Variants in ABI1 observed in about 807,000 individuals in gnomAD.
The protein encoded by ABI1 is abl interactor 1.
Under a neutral mutation model 54.6 loss-of-function variants are expected in ABI1, and 14 were observed. The ratio of observed to expected loss-of-function variants is 0.26; its 90% confidence interval spans 0.17 to 0.40. The LOEUF (loss-of-function observed/expected upper bound fraction) is 0.40. Ranked by LOEUF, ABI1 falls within the 10% of genes least tolerant of loss-of-function variation. ABI1 has a pLI of 1.00. For missense variants in ABI1, 443 were observed against 598.3 expected (o/e 0.74, Z 2.71); for synonymous variants, 194 against 209.3 (o/e 0.93, Z 0.63).
At position 26,747,308 on chromosome 10, in the gene ABI1, T is replaced by A. The variant is rs560609517; in HGVS notation, c.*1262A>T. 351 of 226,112 alleles carry A rather than the reference T, an allele frequency of 1.6e-3. 1 individual carries two copies. The highest frequency in any genetic ancestry group is 7.4e-3 in the African/African-American group (333 of 45,088). 14.0% of individuals were successfully genotyped at this position (226,112 alleles called of 1,614,324 possible). On this transcript the variant is annotated 3_prime_UTR_variant, in exon 11 of 11. Coordinates refer to ENST00000376140, the MANE Select transcript of ABI1 (RefSeq NM_001012750.3). The stretch of plus-strand genomic sequence containing the variant: ...AACATCCCTCAGCCCTCCCTTCAAT[T>A]AAGAGGAGACACACAAAGTGCATGT...
intron 2 of ABI1, among the ~76,000 whole-genome samples, chr10:26,789,830 T>C: frequency 6.6e-6 from 1 of 152,222 alleles, no homozygotes; most frequent in East Asian, 1.9e-4. Context: ...CCTCTATGTG[T>C]CCATATGTTC....
In ABI1 at chr10:26,747,669, A is replaced by G. The variant is rs1837090390; in HGVS notation, c.*901T>C. On this transcript the variant is annotated 3_prime_UTR_variant, in exon 11 of 11. Transcript: ENST00000376140. Reference sequence around the variant, plus strand: ...TTTCTTAGTTTCAAAAGATTATTTAAAAAAGGAATTCAGTAGATTGACTTG... The same window carrying G: ...TTTCTTAGTTTCAAAAGATTATTTAGAAAAGGAATTCAGTAGATTGACTTG... The G allele has an allele frequency of 5.1e-6, 1 of 197,598 alleles. No individual in the cohort carries two copies. The highest frequency in any genetic ancestry group is 1.9e-4 in the South Asian group (1 of 5,216). The allele number at this position is 197,598 out of a possible 1,614,324, so 12.2% of individuals were successfully genotyped here.
intron 2 of ABI1, among the ~76,000 whole-genome samples, chr10:26,786,958 C>T (rs1193165297): frequency 1.3e-5 from 2 of 152,182 alleles, no homozygotes; most frequent in East Asian, 1.9e-4. Flanking sequence ...CACACAGGCT[C>T]CTCAATCCTA....
At chr10:26,778,096 G>A (rs1337164028) in intron 2 of ABI1, among the ~76,000 whole-genome samples, 1 of 151,964 alleles carries the variant, frequency 6.6e-6, no homozygotes, top group Non-Finnish European at 1.5e-5. Flanking sequence ...AAGGCAGAGA[G>A]AATAACATCC....
chr10:26,802,575 A>G (rs535387326), intron 2 of ABI1, among the ~76,000 whole-genome samples: 1 of 152,360 alleles, frequency 6.6e-6, no homozygotes, highest in South Asian at 2.1e-4. Context: ...TTCACAGAGC[A>G]TTTACATACA....
chr10:26,748,749 T>A lies in ABI1; in HGVS notation c.1271-4A>T. ...GTATAATCATATATTGCAACAACTA[T>A]GGAAAAAACAGTTGAAATATCACAT... is the stretch of plus-strand genomic sequence containing the variant. On this transcript the variant is annotated splice_region_variant and splice_polypyrimidine_tract_variant and intron_variant, in intron 10 of 10. Coordinates refer to ENST00000376140, the MANE Select transcript of ABI1 (RefSeq NM_001012750.3). The A allele has an allele frequency of 6.2e-7, 1 of 1,604,562 alleles. No individual in the cohort carries two copies. The highest frequency in any genetic ancestry group is 1.1e-5 in the South Asian group (1 of 90,222).
Position 26,747,974 on chromosome 10 carries a change from C to A in ABI1, c.*596G>T. ...AAATTACAACATTACAGATAATTCT[C>A]TTTTTGCTTGTTTCACATGGAGACC... On this transcript the variant is annotated 3_prime_UTR_variant, in exon 11 of 11. Coordinates refer to ENST00000376140, the MANE Select transcript of ABI1 (RefSeq NM_001012750.3). 7.2e-6 allele frequency: 1 copy of A among 138,802 alleles called. No individual in the cohort carries two copies. Among genetic ancestry groups the A allele is most frequent in the Non-Finnish European group, 1.2e-5 (1 of 81,846 alleles). 8.6% of individuals were successfully genotyped at this position (138,802 alleles called of 1,614,324 possible).
intron 2 of ABI1, among the ~76,000 whole-genome samples, chr10:26,797,941 A>G (rs968171470): frequency 6.6e-6 from 1 of 152,232 alleles, no homozygotes; most frequent in Non-Finnish European, 1.5e-5. Context: ...AATGCCAACT[A>G]GAGCAATATG....
intron 6 of ABI1, among the ~76,000 whole-genome samples, chr10:26,767,078 G>T (rs1039392389): frequency 6.6e-6 from 1 of 152,064 alleles, no homozygotes; most frequent in Non-Finnish European, 1.5e-5. Context: ...CTTGAAAAAA[G>T]AACTATGCCC....
chr10:26,858,008 A>C (rs2050979528), intron 1 of ABI1, among the ~76,000 whole-genome samples: 1 of 152,212 alleles, frequency 6.6e-6, no homozygotes, highest in African/African-American at 2.4e-5. Context: ...CAGCCAAAAG[A>C]GTTTCTCAGC....
Position 26,764,054 on chromosome 10 carries a change from A to G in ABI1, c.820+1164T>C. On this transcript the variant is annotated intron_variant, in intron 7 of 10. Coordinates refer to ENST00000376140, the MANE Select transcript of ABI1 (RefSeq NM_001012750.3). ...AAAGTACAATGTATCGGGAAGAAAAAGAAAAAAGATACCCCCATGTAAAGC... is the reference window on the plus strand; with the variant it reads ...AAAGTACAATGTATCGGGAAGAAAAGGAAAAAAGATACCCCCATGTAAAGC... 3 of 922,042 alleles carry G rather than the reference A, an allele frequency of 3.3e-6. No homozygotes were observed. The South Asian group carries it at 5.3e-5, about 16-fold the overall frequency. 57.1% of individuals were successfully genotyped at this position (922,042 alleles called of 1,614,324 possible).
intron 2 of ABI1, among the ~76,000 whole-genome samples, chr10:26,796,235 C>T (rs1844149598): frequency 6.6e-6 from 1 of 152,152 alleles, no homozygotes; most frequent in Non-Finnish European, 1.5e-5. Flanking sequence ...GATCCATGTA[C>T]AACACGAGGA....
At chr10:26,851,483 A>G (rs2050390688) in intron 1 of ABI1, among the ~76,000 whole-genome samples, 1 of 150,106 alleles carries the variant, frequency 6.7e-6, no homozygotes, top group African/African-American at 2.5e-5. Context: ...GAGCCACTGC[A>G]GCTAGCTGAC....
chr10:26,796,721 T>C (rs1462226020), intron 2 of ABI1, among the ~76,000 whole-genome samples: 1 of 152,256 alleles, frequency 6.6e-6, no homozygotes, highest in African/African-American at 2.4e-5. Context: ...TTCACTATAG[T>C]AACTAATTTA....
chr10:26,777,581 AG>A (rs1841572593), intron 2 of ABI1, among the ~76,000 whole-genome samples: 1 of 152,158 alleles, frequency 6.6e-6, no homozygotes, highest in Non-Finnish European at 1.5e-5. Context: ...GTTCAAGATC[AG>A]CCTGGGCAAC....
At chr10:26,839,146 C>T (rs956811181) in intron 1 of ABI1, among the ~76,000 whole-genome samples, 3 of 152,166 alleles carry the variant, frequency 2.0e-5, no homozygotes, top group Non-Finnish European at 2.9e-5. Context: ...ACATTTAACA[C>T]GTTTCTAGGT....
chr10:26,843,869 C>A (rs549172531), intron 1 of ABI1, among the ~76,000 whole-genome samples: 1 of 152,080 alleles, frequency 6.6e-6, no homozygotes, highest in African/African-American at 2.4e-5. Context: ...TTAGCTCATA[C>A]AAAAGTGATT....
intron 1 of ABI1, among the ~76,000 whole-genome samples, chr10:26,839,949 G>A (rs10829094): frequency 2.0e-5 from 3 of 151,156 alleles, no homozygotes; most frequent in Non-Finnish European, 3.0e-5. Flanking sequence ...ATGATCACAC[G>A]ACTGCACTCC....
In ABI1 at chr10:26,807,839, C is replaced by T. The variant is rs531213353; in HGVS notation, c.285+15299G>A. Among the ~76,000 whole-genome samples, 6 of 152,318 alleles carry T rather than the reference C, an allele frequency of 3.9e-5. No homozygotes were observed. The South Asian group carries it at 6.2e-4, about 16-fold the overall frequency. On this transcript the variant is annotated intron_variant, in intron 2 of 10. Coordinates refer to ENST00000376140, the MANE Select transcript of ABI1 (RefSeq NM_001012750.3). ...GGGCATGGTGGCTCACGTTTGTAAT[C>T]CCAGCACTTTGGGAGGCCAAGGTGG...
Sources: allele counts gnomAD v4.1 joint callset (sites outside exome capture counted in the v4.1 genomes callset), GRCh38; gene constraint gnomAD v4.1.1; transcripts MANE v1.5; gene names NCBI Gene and HGNC (gene_info 2026-07-23, HGNC 2026-07-21).